Variants in NHS observed in about 807,000 individuals in gnomAD.
The protein encoded by NHS is actin remodeling regulator NHS.
Under a neutral mutation model 72.5 loss-of-function variants are expected in NHS, and 5 were observed. That is an observed-to-expected ratio of 0.07 (90% CI 0.04 to 0.14). The LOEUF (loss-of-function observed/expected upper bound fraction) is 0.14, where lower values mean the gene tolerates loss of function less well. Among genes scored for constraint, NHS ranks in the 10% least tolerant of loss-of-function variants. The pLI, the probability that NHS is intolerant of heterozygous loss-of-function variation, is 1.00. For synonymous variants in NHS, 464 were observed against 547.7 expected, an observed-to-expected ratio of 0.85 and a Z score of 2.13; for missense variants, 1,072 against 1,355.7, an observed-to-expected ratio of 0.79 and a Z score of 3.29.
chrX:17,383,719 C>T (rs979582112), intron 1 of NHS, among the ~76,000 whole-genome samples: 3 of 111,861 alleles, frequency 2.7e-5, no homozygotes. Context: ...TGTCCCTCCT[C>T]TTACATTGGG....
intron 1 of NHS, among the ~76,000 whole-genome samples, chrX:17,444,238 C>T (rs1334773412): frequency 9.0e-6 from 1 of 111,630 alleles, no homozygotes; most frequent in African/African-American, 3.3e-5. Flanking sequence ...TGTTTCTGCC[C>T]CTAATTGAAA....
At chrX:17,485,250 C>G (rs768088842) in intron 1 of NHS, among the ~76,000 whole-genome samples, 2 of 112,116 alleles carry the variant, frequency 1.8e-5, no homozygotes, top group Non-Finnish European at 3.8e-5. Context: ...ACAAACTAAG[C>G]GAGTATTAGG....
At chrX:17,624,403 C>T (rs976265800) in intron 1 of NHS, among the ~76,000 whole-genome samples, 4 of 112,329 alleles carry the variant, frequency 3.6e-5, no homozygotes, top group African/African-American at 1.3e-4. Context: ...ACTCCTGTAC[C>T]GGCTACTAGG....
At chrX:17,496,808 C>T (rs1452218593) in intron 1 of NHS, among the ~76,000 whole-genome samples, 2 of 112,129 alleles carry the variant, frequency 1.8e-5, no homozygotes, top group East Asian at 5.6e-4. Flanking sequence ...TGCCCTCCCT[C>T]CACCCCCAGG....
At chrX:17,624,356 A>C (rs1294145241) in intron 1 of NHS, among the ~76,000 whole-genome samples, 1 of 112,140 alleles carries the variant, frequency 8.9e-6, no homozygotes, top group Non-Finnish European at 1.9e-5. Flanking sequence ...AAAGCATCCA[A>C]ATCATACAAT....
At chrX:17,484,089 C>G (rs1569264331) in intron 1 of NHS, among the ~76,000 whole-genome samples, 1 of 112,373 alleles carries the variant, frequency 8.9e-6, no homozygotes, top group Non-Finnish European at 1.9e-5. Flanking sequence ...ACATTGGTAG[C>G]TTGAAATCAA....
At chrX:17,629,759 G>A (rs1431447672) in intron 1 of NHS, among the ~76,000 whole-genome samples, 1 of 111,999 alleles carries the variant, frequency 8.9e-6, no homozygotes, top group East Asian at 2.8e-4. Context: ...AGTAGCAGTA[G>A]CTCTGAATAA....
At chrX:17,729,195 G>T (rs2066470949) in intron 8 of NHS, among the ~76,000 whole-genome samples, 1 of 111,730 alleles carries the variant, frequency 9.0e-6, no homozygotes, top group African/African-American at 3.3e-5. Flanking sequence ...ACAAACAGAA[G>T]TTGATTCACC....
intron 1 of NHS, among the ~76,000 whole-genome samples, chrX:17,486,406 C>A (rs1347084488): frequency 8.9e-6 from 1 of 111,819 alleles, no homozygotes; most frequent in African/African-American, 3.3e-5. Context: ...GCAGATCAGC[C>A]ATGGTGACGC....
chrX:17,712,669 T>C (rs908669941), intron 3 of NHS, among the ~76,000 whole-genome samples: 1 of 109,508 alleles, frequency 9.1e-6, no homozygotes, highest in Non-Finnish European at 1.9e-5. Flanking sequence ...TTGGAATAAA[T>C]CACTGTGGAT....
At chrX:17,723,330 C>T (rs182235696) in intron 5 of NHS, among the ~76,000 whole-genome samples, 1 of 112,020 alleles carries the variant, frequency 8.9e-6, no homozygotes, top group African/African-American at 3.2e-5. Flanking sequence ...TTGTGACTTT[C>T]TGAGGCAAAG....
intron 1 of NHS, among the ~76,000 whole-genome samples, chrX:17,479,598 T>C (rs955817937): frequency 8.9e-6 from 1 of 112,544 alleles, no homozygotes; most frequent in African/African-American, 3.2e-5. Context: ...CTAACTGGCA[T>C]GAGATGGTAT....
Position 17,489,421 on chromosome X carries a change from G to A in NHS, c.565+113099G>A, listed in dbSNP as rs763772362. 4.5e-5 allele frequency among the ~76,000 whole-genome samples: 5 copies of A among 112,253 alleles called. No individual in the cohort carries two copies. In the East Asian group the frequency reaches 1.1e-3, roughly 25 times the overall value. On this transcript the variant is annotated intron_variant, in intron 1 of 8. Transcript: ENST00000676302. ...ACACTCCCACCAACAGTGTAAAAGTGTTCCTATTTCTCCACATCGTCTCCA... is the reference window on the plus strand; with the variant it reads ...ACACTCCCACCAACAGTGTAAAAGTATTCCTATTTCTCCACATCGTCTCCA...
intron 1 of NHS, among the ~76,000 whole-genome samples, chrX:17,465,346 A>C (rs764197730): frequency 2.7e-5 from 3 of 111,584 alleles, no homozygotes; most frequent in Non-Finnish European, 5.6e-5. Flanking sequence ...TTAAAGAAGC[A>C]CTTTGGAGGC....
chrX:17,398,997 A>C (rs1318961784), intron 1 of NHS, among the ~76,000 whole-genome samples: 1 of 112,271 alleles, frequency 8.9e-6, no homozygotes, highest in East Asian at 2.8e-4. Context: ...GGAAAAATAC[A>C]TGTTTGAAAC....
intron 1 of NHS, among the ~76,000 whole-genome samples, chrX:17,465,268 T>C (rs1291339969): frequency 2.7e-5 from 3 of 111,390 alleles, no homozygotes; most frequent in Non-Finnish European, 5.6e-5. Context: ...GGCAAATAAA[T>C]GGATGCAGTT....
chrX:17,595,961 A>G (rs2065622453), intron 1 of NHS, among the ~76,000 whole-genome samples: 1 of 111,352 alleles, frequency 9.0e-6, no homozygotes. Context: ...TTTCCCACCA[A>G]ATAAGAACTT....
At chrX:17,440,130 C>T (rs1463223943) in intron 1 of NHS, among the ~76,000 whole-genome samples, 3 of 109,023 alleles carry the variant, frequency 2.8e-5, no homozygotes, top group Non-Finnish European at 5.7e-5. Context: ...CTTGGTGGCC[C>T]ATGCCTGTAA....
intron 1 of NHS, among the ~76,000 whole-genome samples, chrX:17,647,947 C>A (rs148808407): frequency 9.2e-6 from 1 of 108,739 alleles, no homozygotes; most frequent in Non-Finnish European, 1.9e-5. Flanking sequence ...CCTTGAGCAG[C>A]GACAGTATTT....
Sources: allele counts gnomAD v4.1 joint callset (sites outside exome capture counted in the v4.1 genomes callset), GRCh38; gene constraint gnomAD v4.1.1; transcripts MANE v1.5; gene names NCBI Gene and HGNC (gene_info 2026-07-23, HGNC 2026-07-21).